CYRIA: variants seen among roughly 807,000 people sequenced by gnomAD.
The protein encoded by CYRIA is CYFIP related Rac1 interactor A, also known as CYFIP-related Rac1 interactor A.
Under a neutral mutation model 43.9 loss-of-function variants are expected in CYRIA, and 15 were observed. The observed-to-expected ratio is 0.34, with a 90% CI of 0.23 to 0.53. CYRIA has a LOEUF of 0.53. CYRIA is among the 20% of genes least tolerant of loss of function. The probability of loss-of-function intolerance (pLI) is 0.94; values close to 1 mark genes in which losing one functional copy is unlikely to be tolerated. For missense variants in CYRIA, 236 were observed against 394.2 expected, an observed-to-expected ratio of 0.60 and a Z score of 3.40; for synonymous variants, 117 against 136.0, an observed-to-expected ratio of 0.86 and a Z score of 0.97.
intron 1 of CYRIA, among the ~76,000 whole-genome samples, chr2:16,648,524 A>G (rs1464720167): frequency 6.6e-6 from 1 of 152,212 alleles, no homozygotes; most frequent in Admixed American, 6.5e-5. Flanking sequence ...CAAAAGGGGA[A>G]TTTCAGCAAA....
rs1308350361 is a variant in CYRIA at position 16,623,857 on chromosome 2, T to C, written c.-11+7A>G. The stretch of plus-strand genomic sequence containing the variant: ...ACACGTTATAACGAAAGTCAATTGT[T>C]TCTTACCTGGAAATATCTCCTGTGA... On this transcript the variant is annotated splice_region_variant and intron_variant, in intron 2 of 11. Coordinates refer to ENST00000381323, the MANE Select transcript of CYRIA (RefSeq NM_030797.4). 6.6e-6 allele frequency: 1 copy of C among 152,238 alleles called. No individual in the cohort carries two copies. The highest frequency in any genetic ancestry group is 1.5e-5 in the Non-Finnish European group (1 of 68,050). 9.4% of individuals were successfully genotyped at this position (152,238 alleles called of 1,614,324 possible). A position where few individuals can be genotyped will look rare whatever the true frequency, so the allele number is the denominator to read the frequency against.
At chr2:16,641,280 C>T (rs1669668717) in intron 1 of CYRIA, among the ~76,000 whole-genome samples, 1 of 152,124 alleles carries the variant, frequency 6.6e-6, no homozygotes, top group African/African-American at 2.4e-5. Context: ...GTCCCTGGCC[C>T]AAATCCTAGC....
At chr2:16,638,697 T>C (rs1043527005) in intron 1 of CYRIA, among the ~76,000 whole-genome samples, 2 of 152,172 alleles carry the variant, frequency 1.3e-5, no homozygotes, top group Non-Finnish European at 2.9e-5. Context: ...GGAATCTGCA[T>C]TTTGAACGTA....
chr2:16,653,494 T>C (rs964481149), intron 1 of CYRIA, among the ~76,000 whole-genome samples: 5 of 152,364 alleles, frequency 3.3e-5, no homozygotes, highest in Non-Finnish European at 7.3e-5. Context: ...TATACCCATC[T>C]CTGCTTCATT....
At chr2:16,617,830 G>T (rs1668857626) in intron 2 of CYRIA, among the ~76,000 whole-genome samples, 1 of 152,216 alleles carries the variant, frequency 6.6e-6, no homozygotes. Context: ...TTAAAGACAA[G>T]TTCAGAGATG....
chr2:16,577,876 G>T lies in CYRIA; in HGVS notation c.70+10174C>A, dbSNP rs549529989. 4.6e-5 allele frequency among the ~76,000 whole-genome samples: 7 copies of T among 152,366 alleles called. No individual in the cohort carries two copies. In the South Asian group the frequency reaches 1.5e-3, roughly 32 times the overall value. The stretch of plus-strand genomic sequence containing the variant: ...ACTCTCAGTCTTATCTAAGGGTGAA[G>T]TGTGGCCATCTATGACTGCGGGAGG... On this transcript the variant is annotated intron_variant, in intron 3 of 11. Coordinates refer to ENST00000381323, the MANE Select transcript of CYRIA (RefSeq NM_030797.4).
intron 3 of CYRIA, among the ~76,000 whole-genome samples, chr2:16,575,631 G>A (rs186513576): frequency 8.5e-4 from 129 of 152,096 alleles, no homozygotes; most frequent in Non-Finnish European, 1.2e-3. Flanking sequence ...CGAGGCGGGC[G>A]GATCACGAGG....
rs1316384388 is a variant in CYRIA at position 16,562,008 on chromosome 2, C to T, written c.432G>A (p.Leu144=). 6.2e-7 allele frequency: 1 copy of T among 1,612,198 alleles called. No individual in the cohort carries two copies. The highest frequency in any genetic ancestry group is 1.3e-5 in the African/African-American group (1 of 74,834). ...ILHFTLRFDE[L]KMRNPAIQND... Reference sequence around the variant, plus strand: ...TTCACAGCACATTTGGCCTAACCTTCAGCTCATCGAATCGAAGGGTAAAAT... The same window carrying T: ...TTCACAGCACATTTGGCCTAACCTTTAGCTCATCGAATCGAAGGGTAAAAT... Residue 144 remains leucine (L), a synonymous_variant, in exon 6 of 12, where the codon CTG becomes CTA. Coordinates refer to ENST00000381323, the MANE Select transcript of CYRIA (RefSeq NM_030797.4).
intron 1 of CYRIA, among the ~76,000 whole-genome samples, chr2:16,664,966 T>TG (rs1489398766): frequency 1.3e-5 from 2 of 151,814 alleles, no homozygotes; most frequent in African/African-American, 4.8e-5. Flanking sequence ...TGGGGATGCG[T>TG]GGGGAAATAG....
chr2:16,649,955 G>A (rs568262796), intron 1 of CYRIA, among the ~76,000 whole-genome samples: 12 of 152,316 alleles, frequency 7.9e-5, no homozygotes, highest in African/African-American at 2.9e-4. Context: ...CCACATCCCA[G>A]TAGAAGTTTC....
At chr2:16,652,945 C>A (rs931454282) in intron 1 of CYRIA, among the ~76,000 whole-genome samples, 4 of 152,110 alleles carry the variant, frequency 2.6e-5, no homozygotes, top group Non-Finnish European at 5.9e-5. Context: ...CTTCAAAGTT[C>A]CAATGTTTAT....
chr2:16,580,128 T>G (rs549025290), intron 3 of CYRIA, among the ~76,000 whole-genome samples: 18 of 152,030 alleles, frequency 1.2e-4, no homozygotes, highest in African/African-American at 4.3e-4. Flanking sequence ...TTGTATTTTT[T>G]GTAGAGATGA....
chr2:16,660,156 G>A (rs961808347), intron 1 of CYRIA, among the ~76,000 whole-genome samples: 2 of 152,186 alleles, frequency 1.3e-5, no homozygotes, highest in African/African-American at 4.8e-5. Context: ...TAGAGGAAAT[G>A]AGTCCAAGAG....
chr2:16,600,021 G>T (rs1317705744), intron 2 of CYRIA, among the ~76,000 whole-genome samples: 3 of 152,222 alleles, frequency 2.0e-5, no homozygotes, highest in African/African-American at 7.2e-5. Flanking sequence ...CTCCCAAAGT[G>T]CTGGGATTAC....
chr2:16,626,436 T>A (rs1669168025), intron 1 of CYRIA, among the ~76,000 whole-genome samples: 3 of 152,076 alleles, frequency 2.0e-5, no homozygotes, highest in Admixed American at 1.3e-4. Flanking sequence ...GGACCCCCAC[T>A]CAGCTCTCAC....
intron 1 of CYRIA, among the ~76,000 whole-genome samples, chr2:16,642,378 T>A (rs1168194234): frequency 6.6e-6 from 1 of 152,182 alleles, no homozygotes; most frequent in African/African-American, 2.4e-5. Flanking sequence ...CATCTGAGCC[T>A]CCTCTTTATT....
At chr2:16,664,549 T>A (rs984089325) in intron 1 of CYRIA, among the ~76,000 whole-genome samples, 9 of 151,954 alleles carry the variant, frequency 5.9e-5, no homozygotes, top group Non-Finnish European at 8.8e-5. Context: ...CAACCAGAGA[T>A]CAGTGAAAGC....
rs1461291677 is a variant in CYRIA, at chr2:16,664,075, T to A, written c.-167+1705A>T. ...CTGCCCCATGGGGCTATTGTGAAGA[T>A]GAAAGGAAATAACACCAGTGAGGTC... On this transcript the variant is annotated intron_variant, in intron 1 of 11. Coordinates refer to ENST00000381323, the MANE Select transcript of CYRIA (RefSeq NM_030797.4). 2.6e-5 allele frequency among the ~76,000 whole-genome samples: 4 copies of A among 152,122 alleles called. No individual in the cohort carries two copies. The East Asian group carries it at 7.7e-4, about 29-fold the overall frequency.
At chr2:16,614,909 G>A (rs1000697010) in intron 2 of CYRIA, among the ~76,000 whole-genome samples, 1 of 152,150 alleles carries the variant, frequency 6.6e-6, no homozygotes, top group Non-Finnish European at 1.5e-5. Context: ...CTTTAGATAA[G>A]GAAACTGCGG....
Sources: gnomAD v4.1 joint callset for allele counts (sites outside exome capture counted in the v4.1 genomes callset) on GRCh38, gnomAD v4.1.1 for gene constraint, MANE v1.5 for transcripts, NCBI Gene and HGNC (gene_info 2026-07-23, HGNC 2026-07-21) for gene names.